Variants in FOSL1 observed in about 807,000 individuals in gnomAD.
The protein encoded by FOSL1 is FOS like 1, AP-1 transcription factor subunit.
A neutral mutation model predicts 24.9 loss-of-function variants in FOSL1; 14 were observed. That is an observed-to-expected ratio of 0.56 (90% CI 0.37 to 0.88). The LOEUF (loss-of-function observed/expected upper bound fraction) is 0.88. Ranked by LOEUF, FOSL1 falls within the 40% of genes least tolerant of loss-of-function variation. The probability of loss-of-function intolerance (pLI) is 0.00; values close to 1 mark genes in which losing one functional copy is unlikely to be tolerated. For missense variants in FOSL1, 318 were observed against 359.8 expected (o/e 0.88, Z 0.94); for synonymous variants, 133 against 145.1 (o/e 0.92, Z 0.60).
At position 65,893,148 on chromosome 11, in the gene FOSL1, C is replaced by A; in HGVS notation, c.554G>T (p.Ser185Ile). 6.2e-7 allele frequency: 1 copy of A among 1,613,366 alleles called. No homozygotes were observed. Among genetic ancestry groups the A allele is most frequent in the Non-Finnish European group, 8.5e-7 (1 of 1,179,934 alleles). ...TGGTGGGCTGCTGGTGCCACTGGTA[C>A]TGCCTGTGTCCCCCTCCTTGGCTCC... The part of the protein sequence containing the change: ...PEGAKEGDTG[S>I]TSGTSSPPAP... Residue 185 changes from serine (S) to isoleucine (I), a missense_variant, in exon 4 of 4, where the codon AGT becomes ATT. Transcript: ENST00000312562.
In FOSL1 at chr11:65,895,107, TA is replaced by T. The variant is rs912996206; in HGVS notation, c.298-987del. 1.4e-4 allele frequency among the ~76,000 whole-genome samples: 20 copies of T among 144,388 alleles called. No homozygotes were observed. In the South Asian group the frequency reaches 3.9e-3, roughly 28 times the overall value. The allele number at this position is 144,388 out of a possible 152,430, so 94.7% of individuals were successfully genotyped here. A position where few individuals can be genotyped will look rare whatever the true frequency, so the allele number is the denominator to read the frequency against. On this transcript the variant is annotated intron_variant, in intron 2 of 3. Transcript: ENST00000312562. ...GAGTCACCACAGCTGGCCTCTTTTT[TA>T]AAAAAACATAGATTCTTTTTTTTTT...
rs757312993 is a variant in FOSL1, at chr11:65,897,005, T to C, written c.101A>G (p.Lys34Arg). ...PPAAAQAAQQ[K>R]FHLVPSINTM... is the part of the protein sequence containing the mutation. ...GTTGATGCTTGGCACCAGGTGGAAC[T>C]TCTAAGGAATAAGAAATGGAAGGCC... The change falls in exon 2 of 4, where the codon AAG (lysine) becomes AGG (arginine). Residue 34 changes from lysine to arginine, a missense_variant and splice_region_variant. Coordinates refer to ENST00000312562, the MANE Select transcript of FOSL1 (RefSeq NM_005438.5). 8.9e-5 allele frequency: 143 copies of C among 1,613,370 alleles called. 1 individual carries two copies. Among genetic ancestry groups the C allele is most frequent in the South Asian group, 8.0e-4 (73 of 91,064 alleles).
At chr11:65,899,678 C>G (rs10160792) in intron 1 of FOSL1, among the ~76,000 whole-genome samples, 58,940 of 152,202 alleles carry the variant, frequency 0.39, 12,505 homozygotes, top group East Asian at 0.59. Flanking sequence ...CCCGGACCCC[C>G]CTGGACTCCC....
intron 3 of FOSL1, among the ~76,000 whole-genome samples, chr11:65,893,763 A>T (rs1276918782): frequency 3.3e-5 from 5 of 151,628 alleles, no homozygotes; most frequent in Non-Finnish European, 1.5e-5. Flanking sequence ...TCATCACTGC[A>T]CTCCAGCCTG....
chr11:65,894,797 C>T (rs1203465887), intron 2 of FOSL1, among the ~76,000 whole-genome samples: 1 of 152,022 alleles, frequency 6.6e-6, no homozygotes, highest in Non-Finnish European at 1.5e-5. Context: ...GCTGGGATTA[C>T]AGGCATGTAC....
chr11:65,899,392 AGCCGCCGTGACTCG>A (rs1042654198), intron 1 of FOSL1, among the ~76,000 whole-genome samples: 10 of 152,302 alleles, frequency 6.6e-5, no homozygotes, highest in South Asian at 4.1e-4. Flanking sequence ...CGGGTGACTC[AGCCGCCGTGACTCG>A]GCCGCCGTGA....
chr11:65,894,806 A>G lies in FOSL1; in HGVS notation c.298-685T>C, dbSNP rs377424371. On this transcript the variant is annotated intron_variant, in intron 2 of 3. Coordinates refer to ENST00000312562, the MANE Select transcript of FOSL1 (RefSeq NM_005438.5). Reference sequence around the variant, plus strand: ...CAAGTAGCTGGGATTACAGGCATGTACCACCACACCTGGCTAATTTTTGTA... The same window carrying G: ...CAAGTAGCTGGGATTACAGGCATGTGCCACCACACCTGGCTAATTTTTGTA... 7.9e-5 allele frequency among the ~76,000 whole-genome samples: 12 copies of G among 151,396 alleles called. No homozygotes were observed. The East Asian group carries it at 1.4e-3, about 17-fold the overall frequency.
Position 65,893,178 on chromosome 11 carries a change from G to A in FOSL1, c.524C>T (p.Pro175Leu), listed in dbSNP as rs1299404565. The A allele has an allele frequency of 1.1e-5, 17 of 1,613,814 alleles. No individual in the cohort carries two copies. Among genetic ancestry groups the A allele is most frequent in the African/African-American group, 2.7e-5 (2 of 74,890 alleles). The change falls in exon 4 of 4, where the codon CCG becomes CTG. Residue 175 changes from proline to leucine, a missense_variant. By Grantham distance (98) the Pro-to-Leu change is moderately conservative. Transcript: ENST00000312562. ...TGTGTCCCCCTCCTTGGCTCCTTCC[G>A]GGATTTTGCAGATGGGTCGGTGGGC... is the stretch of plus-strand genomic sequence containing the variant. ...LEAHRPICKI[P>L]EGAKEGDTGS...
At chr11:65,898,168 G>A (rs1860579752) in intron 1 of FOSL1, among the ~76,000 whole-genome samples, 1 of 151,342 alleles carries the variant, frequency 6.6e-6, no homozygotes, top group Non-Finnish European at 1.5e-5. Flanking sequence ...AGCCTCCCGA[G>A]TAGCTGGGAC....
chr11:65,892,577 T>A lies in FOSL1; in HGVS notation c.*309A>T. ...GCAGTGATCTGGAAGGGGTTAGGGC[T>A]CCAGAGGACCTCTAAGGATCTACAA... On this transcript the variant is annotated 3_prime_UTR_variant, in exon 4 of 4. Coordinates refer to ENST00000312562, the MANE Select transcript of FOSL1 (RefSeq NM_005438.5). The A allele has an allele frequency of 1.7e-6, 1 of 578,110 alleles. No homozygotes were observed. 35.8% of individuals were successfully genotyped at this position (578,110 alleles called of 1,614,324 possible). A position where few individuals can be genotyped will look rare whatever the true frequency, so the allele number is the denominator to read the frequency against.
chr11:65,900,532 C>T (rs1860651871), upstream of FOSL1: 1 of 389,614 alleles, frequency 2.6e-6, no homozygotes, highest in Non-Finnish European at 4.5e-6. Flanking sequence ...CCCGTCGGTC[C>T]CGAACTTGGC....
intron 1 of FOSL1, among the ~76,000 whole-genome samples, chr11:65,898,330 C>T (rs561480190): frequency 1.3e-5 from 2 of 152,166 alleles, no homozygotes; most frequent in African/African-American, 2.4e-5. Flanking sequence ...CATGAGGCAC[C>T]GCGCACGGCC....
chr11:65,898,333 G>A (rs1469313908), intron 1 of FOSL1, among the ~76,000 whole-genome samples: 7 of 151,992 alleles, frequency 4.6e-5, no homozygotes, highest in African/African-American at 1.4e-4. Context: ...GAGGCACCGC[G>A]CACGGCCTGG....
At chr11:65,898,973 A>G (rs1248442770) in intron 1 of FOSL1, among the ~76,000 whole-genome samples, 8 of 133,518 alleles carry the variant, frequency 6.0e-5, no homozygotes, top group African/African-American at 2.2e-4. Flanking sequence ...AAAAAAAAAA[A>G]AAAAGAAAAG....
rs1406012417 is a variant in FOSL1 at position 65,896,830 on chromosome 11, T to C, written c.276A>G (p.Val92=). The part of the protein sequence containing the change: ...VIRALGPPPG[V]RRRPCEQISP... ...TTACCTGTTCACAAGGCCTTCGACG[T>C]ACCCCTGGAGGCGGCCCCAGGGCCC... Residue 92 remains valine (V), a synonymous_variant, in exon 2 of 4, where the codon GTA becomes GTG. Coordinates refer to ENST00000312562, the MANE Select transcript of FOSL1 (RefSeq NM_005438.5). The C allele has an allele frequency of 5.0e-6, 8 of 1,610,638 alleles. No homozygotes were observed. The African/African-American group carries it at 1.1e-4, about 22-fold the overall frequency.
intron 1 of FOSL1, 152 bp from the exon 2 acceptor site, chr11:65,897,158 G>A (rs1860549432): frequency 1.6e-6 from 1 of 638,866 alleles, no homozygotes; most frequent in Non-Finnish European, 2.8e-6. Context: ...CTGACCTGGT[G>A]GCAAATCCCT....
Position 65,896,954 on chromosome 11 carries a change from T to G in FOSL1, c.152A>C (p.Gln51Pro). Reference sequence around the variant, plus strand: ...CAGGAAATGAGGCTGTACCATCCACTGCAGCTCCTGACTGCCACTCATGGT... The same window carrying G: ...CAGGAAATGAGGCTGTACCATCCACGGCAGCTCCTGACTGCCACTCATGGT... ...INTMSGSQEL[Q>P]WMVQPHFLGP... The change falls in exon 2 of 4, where the codon CAG becomes CCG. Residue 51 changes from glutamine to proline, a missense_variant. Gln to Pro is a moderately conservative substitution (Grantham distance 76). Coordinates refer to ENST00000312562, the MANE Select transcript of FOSL1 (RefSeq NM_005438.5). 1 of 1,614,174 alleles carries G rather than the reference T, an allele frequency of 6.2e-7. No individual in the cohort carries two copies. The highest frequency in any genetic ancestry group is 1.1e-5 in the South Asian group (1 of 91,090).
chr11:65,900,244 C>T lies in FOSL1; in HGVS notation c.96G>A (p.Gln32=). ...ACCGGCGTCGGGCCCCACTCACCTG[C>T]TGGGCTGCCTGCGCTGCGGCCGGGG... ...AQPPAAAQAA[Q]QKFHLVPSIN... is the part of the protein sequence containing the mutation. Residue 32 remains glutamine (Q), a synonymous_variant, in exon 1 of 4, where the codon CAG becomes CAA. Transcript: ENST00000312562. 8.1e-7 allele frequency: 1 copy of T among 1,241,136 alleles called. No homozygotes were observed. Among genetic ancestry groups the T allele is most frequent in the East Asian group, 3.2e-5 (1 of 31,726 alleles). The allele number at this position is 1,241,136 out of a possible 1,614,324, so 76.9% of individuals were successfully genotyped here.
At position 65,894,136 on chromosome 11, in the gene FOSL1, C is replaced by T. The variant is rs774398775; in HGVS notation, c.298-15G>A. 2.2e-5 allele frequency: 35 copies of T among 1,583,064 alleles called. 1 individual carries two copies. Among genetic ancestry groups the T allele is most frequent in the South Asian group, 6.8e-5 (6 of 88,284 alleles). On this transcript the variant is annotated splice_polypyrimidine_tract_variant and intron_variant, in intron 2 of 3. Coordinates refer to ENST00000312562, the MANE Select transcript of FOSL1 (RefSeq NM_005438.5). ...TCCGGGCTGATCTGGGGGTGAGACC[C>T]GCAGTGAGGAGGACCCTGGGCTACT...
Sources: gnomAD v4.1 joint callset for allele counts (sites outside exome capture counted in the v4.1 genomes callset) on GRCh38, gnomAD v4.1.1 for gene constraint, MANE v1.5 for transcripts, NCBI Gene and HGNC (gene_info 2026-07-23, HGNC 2026-07-21) for gene names.